Variants in PLA2G4E observed in about 807,000 individuals in gnomAD.
PLA2G4E encodes cytosolic phospholipase A2 epsilon.
PLA2G4E carries 84 observed loss-of-function variants against 109.1 expected under a neutral mutation model. The observed-to-expected ratio is 0.77, with a 90% CI of 0.65 to 0.92. PLA2G4E has a LOEUF of 0.92. Ranked by LOEUF, PLA2G4E falls within the 40% of genes least tolerant of loss-of-function variation. The pLI, the probability that PLA2G4E is intolerant of heterozygous loss-of-function variation, is 0.00. For synonymous variants in PLA2G4E, 469 were observed against 436.1 expected (o/e 1.08, Z -0.94); for missense variants, 1,057 against 1,076.6 (o/e 0.98, Z 0.25).
At chr15:42,049,602 C>G (rs11632871) in intron 1 of PLA2G4E, among the ~76,000 whole-genome samples, 11,549 of 152,024 alleles carry the variant, frequency 0.076, 560 homozygotes, top group Middle Eastern at 0.11. Context: ...AAGGTGACTC[C>G]GTGGTTGGGG....
chr15:41,986,419 T>C (rs2068142956), intron 17 of PLA2G4E, among the ~76,000 whole-genome samples: 1 of 152,140 alleles, frequency 6.6e-6, no homozygotes, highest in Admixed American at 6.5e-5. Context: ...GGCACTGAGC[T>C]GACGCTGCAG....
At chr15:42,034,043 C>A (rs1255451181) in intron 1 of PLA2G4E, among the ~76,000 whole-genome samples, 3 of 152,234 alleles carry the variant, frequency 2.0e-5, no homozygotes, top group Non-Finnish European at 2.9e-5. Context: ...CAGACCTGAC[C>A]CCCTGTAGTA....
chr15:41,995,450 A>T (rs2068323158), exon 12 of PLA2G4E: 1 of 1,613,994 alleles, frequency 6.2e-7, no homozygotes, highest in Admixed American at 1.7e-5. Context: ...CATGGAGGTC[A>T]TGGATCTTGT....
chr15:42,018,959 C>T (rs2068622279), intron 1 of PLA2G4E, among the ~76,000 whole-genome samples: 1 of 152,246 alleles, frequency 6.6e-6, no homozygotes, highest in South Asian at 2.1e-4. Flanking sequence ...GCAGGCCCAG[C>T]TGGGCTGTGC....
chr15:42,040,737 T>C (rs1267138899), intron 1 of PLA2G4E, among the ~76,000 whole-genome samples: 2 of 152,216 alleles, frequency 1.3e-5, no homozygotes, highest in Non-Finnish European at 2.9e-5. Flanking sequence ...AATGTGTATG[T>C]CCGCAGTTCC....
chr15:42,011,456 T>C (rs12438496), intron 2 of PLA2G4E, among the ~76,000 whole-genome samples: 58,491 of 152,160 alleles, frequency 0.38, 11,789 homozygotes, highest in South Asian at 0.59. Context: ...GGCATAGTGG[T>C]TCACGCCTGT....
At chr15:41,997,150 G>T (rs1412368719) in exon 11 of PLA2G4E, 1 of 1,569,402 alleles carries the variant, frequency 6.4e-7, no homozygotes. Flanking sequence ...TCTTCCTCCA[G>T]CTGCAGCACC....
At chr15:42,044,152 G>A (rs949307456) in intron 1 of PLA2G4E, among the ~76,000 whole-genome samples, 8 of 152,172 alleles carry the variant, frequency 5.3e-5, no homozygotes, top group African/African-American at 1.7e-4. Flanking sequence ...TAGTGAAGTA[G>A]CTTTGAAAGA....
At chr15:42,003,121 A>G (rs1704360) in intron 5 of PLA2G4E, among the ~76,000 whole-genome samples, 97,260 of 152,098 alleles carry the variant, frequency 0.64, 33,143 homozygotes, top group Non-Finnish European at 0.78. Context: ...TAACAGTCTG[A>G]CCCAGCTGAG....
At position 42,019,421 on chromosome 15, in the gene PLA2G4E, G is replaced by A. The variant is rs2068627056; in HGVS notation, c.184-5664C>T. Among the ~76,000 whole-genome samples, 3 of 152,192 alleles carry A rather than the reference G, an allele frequency of 2.0e-5. No homozygotes were observed. The South Asian group carries it at 6.2e-4, about 32-fold the overall frequency. On this transcript the variant is annotated intron_variant, in intron 1 of 19. Transcript: ENST00000399518. ...AGAGGTGGTGGATCCGATGCCCATC[G>A]CTGGGCCAGACATACCCTCAGCAAA...
chr15:42,047,495 A>T (rs1162384449), intron 1 of PLA2G4E, among the ~76,000 whole-genome samples: 1 of 152,214 alleles, frequency 6.6e-6, no homozygotes, highest in African/African-American at 2.4e-5. Context: ...CAGCAGCCTC[A>T]TGACCGAATC....
intron 18 of PLA2G4E, among the ~76,000 whole-genome samples, chr15:41,985,220 G>T (rs1446375384): frequency 4.6e-5 from 7 of 152,174 alleles, no homozygotes; most frequent in African/African-American, 1.7e-4. Context: ...GGCCAAACAA[G>T]ATCACACGTA....
intron 6 of PLA2G4E, 66 bp from the exon 7 acceptor site, chr15:42,001,286 G>T: frequency 7.0e-7 from 1 of 1,427,770 alleles, no homozygotes; most frequent in Non-Finnish European, 9.9e-7. Context: ...CTTCCAGGCT[G>T]AAGGGAGATG....
chr15:41,995,270 G>A, intron 12 of PLA2G4E, 90 bp downstream of exon 12: 1 of 1,493,740 alleles, frequency 6.7e-7, no homozygotes. Flanking sequence ...TTTGTCTTTG[G>A]GTGGCGGGGA....
intron 13 of PLA2G4E, among the ~76,000 whole-genome samples, chr15:41,990,918 G>A (rs574022460): frequency 4.6e-5 from 7 of 151,920 alleles, no homozygotes; most frequent in African/African-American, 1.4e-4. Context: ...AGAGGCCCAG[G>A]CTCTGACCCC....
Position 42,007,716 on chromosome 15 carries a change from C to T in PLA2G4E, c.393+13G>A, listed in dbSNP as rs1470711264. On this transcript the variant is annotated intron_variant, in intron 3 of 19. Transcript: ENST00000399518. ...GCAGACAGGGAAGACAGGTGCAGTC[C>T]TCCATGTCTCACCTTCACTCGGCTC... 6.2e-7 allele frequency: 1 copy of T among 1,609,530 alleles called. No homozygotes were observed. Among genetic ancestry groups the T allele is most frequent in the East Asian group, 2.2e-5 (1 of 44,808 alleles).
At chr15:41,989,387 G>A (rs1344311748) in intron 15 of PLA2G4E, 28 bp downstream of exon 15, 2 of 1,613,364 alleles carry the variant, frequency 1.2e-6, no homozygotes, top group Non-Finnish European at 1.7e-6. Context: ...GCAGCCCCCT[G>A]TCATTCCGCC....
In PLA2G4E at chr15:42,036,775, G is replaced by GCGGGAGC. The variant is rs543944106; in HGVS notation, c.183+13739_183+13745dup. Among the ~76,000 whole-genome samples, 87 of 152,324 alleles carry GCGGGAGC rather than the reference G, an allele frequency of 5.7e-4. 1 individual carries two copies. The highest frequency in any genetic ancestry group is 1.8e-3 in the African/African-American group (76 of 41,588). ...TGGAGCTGCATGCTCCGCGGAGCTG[G>GCGGGAGC]CGGGAGCCGGGAGCCGGGGAGCAGG... On this transcript the variant is annotated intron_variant, in intron 1 of 19. Coordinates refer to ENST00000399518, the Ensembl canonical transcript of PLA2G4E.
At chr15:42,005,676 C>G (rs2068468328) in intron 4 of PLA2G4E, among the ~76,000 whole-genome samples, 1 of 152,272 alleles carries the variant, frequency 6.6e-6, no homozygotes, top group Admixed American at 6.5e-5. Context: ...GGAACCAAGA[C>G]TTACTACCTC....
Sources: gnomAD v4.1 joint callset for allele counts (sites outside exome capture counted in the v4.1 genomes callset) on GRCh38, gnomAD v4.1.1 for gene constraint, MANE v1.5 for transcripts, NCBI Gene and HGNC (gene_info 2026-07-23, HGNC 2026-07-21) for gene names.